Variants in SIRPG observed in about 807,000 individuals in gnomAD.
The protein encoded by SIRPG is signal regulatory protein gamma.
In SIRPG, 38 loss-of-function variants were observed where a neutral mutation model predicts 35.7. That is an observed-to-expected ratio of 1.06 (90% confidence interval 0.82 to 1.40). The LOEUF (loss-of-function observed/expected upper bound fraction) is 1.40, where lower values mean the gene tolerates loss of function less well. SIRPG is among the 40% of genes most tolerant of loss of function. SIRPG has a pLI of 0.00. For missense variants in SIRPG, 519 were observed against 483.0 expected (o/e 1.07, Z -0.70); for synonymous variants, 215 against 190.4 (o/e 1.13, Z -1.06).
chr20:1,645,411 C>G (rs1600215119), intron 2 of SIRPG, among the ~76,000 whole-genome samples: 1 of 152,226 alleles, frequency 6.6e-6, no homozygotes, highest in East Asian at 1.9e-4. Context: ...GGTTTGTAAA[C>G]ATTTTTGTCA....
the SIRPG span, among the ~76,000 whole-genome samples, chr20:1,674,681 T>C: frequency 1.3e-5 from 2 of 152,282 alleles, no homozygotes; most frequent in Non-Finnish European, 2.9e-5. Flanking sequence ...CCAGAGTGGG[T>C]TTGGTGCATG....
chr20:1,631,907 G>A (rs1385081097), intron 4 of SIRPG, among the ~76,000 whole-genome samples: 1 of 152,192 alleles, frequency 6.6e-6, no homozygotes, highest in Non-Finnish European at 1.5e-5. Flanking sequence ...AGCTACGAGT[G>A]ATTGATTATG....
At chr20:1,632,240 T>A (rs781305414) in intron 4 of SIRPG, among the ~76,000 whole-genome samples, 2 of 151,992 alleles carry the variant, frequency 1.3e-5, no homozygotes, top group African/African-American at 2.4e-5. Flanking sequence ...CCAAATCAAA[T>A]AAAAAATGAA....
upstream of SIRPG, among the ~76,000 whole-genome samples, chr20:1,662,433 C>G (rs1167636954): frequency 2.0e-5 from 3 of 152,200 alleles, no homozygotes; most frequent in Admixed American, 6.5e-5. Flanking sequence ...GAAAAGCAAT[C>G]ACTTAAAAAT....
the SIRPG span, among the ~76,000 whole-genome samples, chr20:1,673,333 T>C: frequency 6.6e-6 from 1 of 150,774 alleles, no homozygotes; most frequent in African/African-American, 2.4e-5. Context: ...TGTGAGGGGG[T>C]CCTAATGTGA....
chr20:1,670,827 G>A, the SIRPG span: 1 of 184,218 alleles, frequency 5.4e-6, no homozygotes, highest in Non-Finnish European at 1.1e-5. Flanking sequence ...CAGAGAGGAG[G>A]AGCAGGCTTG....
the SIRPG span, among the ~76,000 whole-genome samples, chr20:1,663,578 C>T: frequency 1.3e-5 from 2 of 152,208 alleles, no homozygotes; most frequent in African/African-American, 4.8e-5. Flanking sequence ...GGAGTATTTA[C>T]ACTATCAAAA....
chr20:1,664,525 A>T, the SIRPG span, among the ~76,000 whole-genome samples: 1 of 152,236 alleles, frequency 6.6e-6, no homozygotes, highest in South Asian at 2.1e-4. Context: ...CTCACATTCT[A>T]GGGGGATGCT....
chr20:1,644,657 C>A (rs758115951), intron 2 of SIRPG, among the ~76,000 whole-genome samples: 2 of 152,202 alleles, frequency 1.3e-5, no homozygotes, highest in Admixed American at 6.5e-5. Flanking sequence ...TGCAGCTCTG[C>A]GGTTGATTGA....
intron 1 of SIRPG, among the ~76,000 whole-genome samples, chr20:1,652,086 C>T (rs577695073): frequency 2.6e-4 from 39 of 152,318 alleles, no homozygotes; most frequent in Non-Finnish European, 2.1e-4. Context: ...TTTCATTCCT[C>T]TTGGAATTTC....
At chr20:1,639,131 T>C (rs1453213486) in intron 2 of SIRPG, among the ~76,000 whole-genome samples, 2 of 152,336 alleles carry the variant, frequency 1.3e-5, no homozygotes, top group East Asian at 3.9e-4. Context: ...TTTGGTTACA[T>C]ACCCAGTAAT....
chr20:1,637,374 C>T (rs1027015246), intron 2 of SIRPG: 2 of 180,244 alleles, frequency 1.1e-5, no homozygotes, highest in Admixed American at 6.4e-5. Flanking sequence ...TGATTTCTCT[C>T]ATCCTGGAGT....
At chr20:1,641,568 A>AT (rs1422030979) in intron 2 of SIRPG, among the ~76,000 whole-genome samples, 7 of 151,744 alleles carry the variant, frequency 4.6e-5, no homozygotes, top group Non-Finnish European at 2.9e-5. Context: ...GGATTCATTG[A>AT]TTTTTTGAAG....
chr20:1,661,629 T>G (rs2091996121), upstream of SIRPG, among the ~76,000 whole-genome samples: 1 of 152,174 alleles, frequency 6.6e-6, no homozygotes. Context: ...ATCCAGACTC[T>G]ACTCTGCAGG....
chr20:1,648,992 G>C, intron 2 of SIRPG, 60 bp downstream of exon 2: 1 of 1,386,856 alleles, frequency 7.2e-7, no homozygotes, highest in Non-Finnish European at 1.0e-6. Context: ...AGAATGGAAG[G>C]TGTTACTATT....
rs774712730 is a variant in SIRPG, at chr20:1,649,259, C to T, written c.223G>A (p.Glu75Lys). ...LWFRGVGPGR[E>K]LIYNQKEGHF... ...CCTTCTTTTTGATTGTAGATTAATT[C>T]CCGGCCTGGTCCAACTCCTCTGAAC... Residue 75 changes from glutamate to lysine, a missense_variant, in exon 2 of 6, where the codon GAA (glutamate) becomes AAA (lysine). Coordinates refer to ENST00000303415, the MANE Select transcript of SIRPG (RefSeq NM_018556.4). 6.2e-7 allele frequency: 1 copy of T among 1,614,090 alleles called. No individual in the cohort carries two copies. The highest frequency in any genetic ancestry group is 8.5e-7 in the Non-Finnish European group (1 of 1,180,022).
the SIRPG span, chr20:1,676,686 CT>C: frequency 6.1e-6 from 1 of 163,234 alleles, no homozygotes; most frequent in Admixed American, 6.5e-5. Context: ...TTCTCTTTGT[CT>C]AGTCTGAAAT....
intron 1 of SIRPG, among the ~76,000 whole-genome samples, chr20:1,656,196 A>C (rs2091974383): frequency 6.6e-6 from 1 of 152,184 alleles, no homozygotes; most frequent in South Asian, 2.1e-4. Context: ...TAATATTTCT[A>C]CACATAGCAT....
chr20:1,630,257 G>T lies in SIRPG; in HGVS notation c.1131C>A (p.Gly377=). ...TALLLIAVLL[G]PIYVPWKQKT ...TCTGCTTCCAGGGGACGTAGATGGG[G>T]CCCAGGAGGACAGCTATGAGGAGCA... The change falls in exon 5 of 6, where the codon GGC becomes GGA. Residue 377 remains glycine, a synonymous_variant. Transcript: ENST00000303415. 6.3e-7 allele frequency: 1 copy of T among 1,574,860 alleles called. No individual in the cohort carries two copies. The highest frequency in any genetic ancestry group is 8.6e-7 in the Non-Finnish European group (1 of 1,159,454).
Sources: allele counts gnomAD v4.1 joint callset (sites outside exome capture counted in the v4.1 genomes callset), GRCh38; gene constraint gnomAD v4.1.1; transcripts MANE v1.5; gene names NCBI Gene and HGNC (gene_info 2026-07-23, HGNC 2026-07-21).